CCDC148: variants seen among roughly 807,000 people sequenced by gnomAD.
CCDC148 encodes the protein coiled-coil domain containing 148.
In CCDC148, 89 loss-of-function variants were observed where a neutral mutation model predicts 85.7. That is an observed-to-expected ratio of 1.04 (90% CI 0.87 to 1.24). The LOEUF (loss-of-function observed/expected upper bound fraction) is 1.24, where lower values mean the gene tolerates loss of function less well. CCDC148 is among the 50% of genes most tolerant of loss of function. CCDC148 has a pLI of 0.00. For synonymous variants in CCDC148, 230 were observed against 213.9 expected (o/e 1.08, Z -0.66); for missense variants, 692 against 671.7 (o/e 1.03, Z -0.33).
At chr2:158,340,743 A>G (rs1201136321) in intron 3 of CCDC148, 63 bp from the exon 4 acceptor site, 1 of 949,836 alleles carries the variant, frequency 1.1e-6, no homozygotes, top group Non-Finnish European at 1.6e-6. Context: ...TTTTTAAAAA[A>G]TAACCAAAGA....
At chr2:158,239,567 T>TTAAG (rs147429190) in intron 10 of CCDC148, among the ~76,000 whole-genome samples, 2 of 151,630 alleles carry the variant, frequency 1.3e-5, no homozygotes, top group Non-Finnish European at 2.9e-5. Context: ...AGAAGGTTAA[T>TTAAG]TTAATTTAAA....
chr2:158,428,744 T>C (rs4603715), intron 1 of CCDC148, among the ~76,000 whole-genome samples: 55,419 of 151,584 alleles, frequency 0.37, 11,361 homozygotes, highest in East Asian at 0.61. Context: ...CTCAAGGATC[T>C]AGAACTAGAA....
In CCDC148 at chr2:158,456,687, T is replaced by G; in HGVS notation, c.-248A>C. 1.8e-6 allele frequency: 1 copy of G among 562,414 alleles called. No homozygotes were observed. The highest frequency in any genetic ancestry group is 3.2e-6 in the Non-Finnish European group (1 of 316,310). The allele number at this position is 562,414 out of a possible 1,614,324, so 34.8% of individuals were successfully genotyped here. On this transcript the variant is annotated 5_prime_UTR_variant, in exon 1 of 14. Transcript: ENST00000283233. ...GCCACCCCCTCCCGCGCCCGAGACCTGAGACACCTTCTCTCTCACACCCAC... is the reference window on the plus strand; with the variant it reads ...GCCACCCCCTCCCGCGCCCGAGACCGGAGACACCTTCTCTCTCACACCCAC...
intron 2 of CCDC148, among the ~76,000 whole-genome samples, chr2:158,357,072 A>T (rs1406121845): frequency 7.7e-6 from 1 of 129,068 alleles, no homozygotes; most frequent in Admixed American, 8.7e-5. Context: ...CACACTCGGG[A>T]CTGTTATGGG....
chr2:158,418,670 T>C (rs76043386), intron 1 of CCDC148, among the ~76,000 whole-genome samples: 1 of 147,394 alleles, frequency 6.8e-6, no homozygotes, highest in Non-Finnish European at 1.5e-5. Context: ...TGTTTTTTTT[T>C]CAGAACACTC....
chr2:158,219,662 T>A (rs73966289), intron 11 of CCDC148, among the ~76,000 whole-genome samples: 1 of 152,148 alleles, frequency 6.6e-6, no homozygotes, highest in Non-Finnish European at 1.5e-5. Flanking sequence ...CTTGCAAGCA[T>A]CTCAATAATT....
intron 1 of CCDC148, among the ~76,000 whole-genome samples, chr2:158,438,710 T>G (rs1384399688): frequency 6.6e-6 from 1 of 152,044 alleles, no homozygotes; most frequent in Admixed American, 6.6e-5. Context: ...GGGAGAAAAT[T>G]TTTGCAATCT....
chr2:158,194,801 G>T (rs149077342), intron 11 of CCDC148, among the ~76,000 whole-genome samples: 2 of 152,080 alleles, frequency 1.3e-5, no homozygotes, highest in Admixed American at 6.6e-5. Flanking sequence ...CTGGTCCACA[G>T]TTCACTTGAT....
chr2:158,266,489 A>T (rs1404658971), intron 9 of CCDC148, among the ~76,000 whole-genome samples: 1 of 152,074 alleles, frequency 6.6e-6, no homozygotes, highest in Non-Finnish European at 1.5e-5. Context: ...TTATTTCCAT[A>T]GTTTTTTGGG....
chr2:158,226,724 A>G lies in CCDC148; in HGVS notation c.1252-6011T>C, dbSNP rs1489039291. ...AAAAACCACATGATTATCTCAATAG[A>G]TGCAGAAAAGGCCTTTGACAAAATT... On this transcript the variant is annotated intron_variant, in intron 10 of 13. Transcript: ENST00000283233. 2.6e-5 allele frequency among the ~76,000 whole-genome samples: 4 copies of G among 152,210 alleles called. No individual in the cohort carries two copies. The East Asian group carries it at 7.7e-4, about 29-fold the overall frequency.
chr2:158,342,026 C>CTTTTTTTTT (rs1159799812), intron 3 of CCDC148, among the ~76,000 whole-genome samples: 2 of 62,660 alleles, frequency 3.2e-5, no homozygotes, highest in African/African-American at 7.2e-5. Flanking sequence ...ATTTTCTTTT[C>CTTTTTTTTT]TTTTTTTTTT....
At chr2:158,283,757 C>T (rs550899040) in intron 9 of CCDC148, among the ~76,000 whole-genome samples, 71 of 151,824 alleles carry the variant, frequency 4.7e-4, no homozygotes, top group African/African-American at 1.7e-3. Context: ...ACCATTTGAC[C>T]CAGCCATCCC....
intron 9 of CCDC148, among the ~76,000 whole-genome samples, chr2:158,306,832 A>T (rs894957009): frequency 3.1e-4 from 12 of 39,282 alleles, no homozygotes; most frequent in African/African-American, 1.5e-3. Flanking sequence ...TATAATAATA[A>T]AAAAAAAAAA....
At chr2:158,400,867 A>T (rs1466972499) in intron 1 of CCDC148, among the ~76,000 whole-genome samples, 1 of 152,092 alleles carries the variant, frequency 6.6e-6, no homozygotes, top group Admixed American at 6.6e-5. Context: ...TACAAGAAAA[A>T]ACCCCATCAA....
chr2:158,357,729 A>G (rs937301683), intron 2 of CCDC148, among the ~76,000 whole-genome samples: 2 of 152,186 alleles, frequency 1.3e-5, no homozygotes, highest in African/African-American at 2.4e-5. Flanking sequence ...CTTTGAAATA[A>G]TAACAATTGC....
At chr2:158,338,561 G>GAAAA in intron 7 of CCDC148, 165 bp downstream of exon 7, 1 of 539,464 alleles carries the variant, frequency 1.9e-6, no homozygotes, top group East Asian at 3.4e-5. Flanking sequence ...AAATTTTTTT[G>GAAAA]AAAAAATAAA....
At chr2:158,201,792 A>ATTATTATGACAATTGG (rs1558977416) in intron 11 of CCDC148, among the ~76,000 whole-genome samples, 1 of 152,186 alleles carries the variant, frequency 6.6e-6, no homozygotes, top group African/African-American at 2.4e-5. Flanking sequence ...TTAAAAAAAC[A>ATTATTATGACAATTGG]TTATTATGAC....
chr2:158,339,222 C>G, intron 5 of CCDC148, 137 bp from the exon 6 acceptor site: 1 of 671,992 alleles, frequency 1.5e-6, no homozygotes, highest in East Asian at 2.7e-5. Flanking sequence ...TAAAGAGATG[C>G]CAGCCAGGTA....
At chr2:158,321,676 G>A (rs1692524755) in intron 7 of CCDC148, among the ~76,000 whole-genome samples, 1 of 152,074 alleles carries the variant, frequency 6.6e-6, no homozygotes, top group African/African-American at 2.4e-5. Flanking sequence ...ATCAAGCAAC[G>A]GTCATATATG....
Sources: gnomAD v4.1 joint callset for allele counts (sites outside exome capture counted in the v4.1 genomes callset) on GRCh38, gnomAD v4.1.1 for gene constraint, MANE v1.5 for transcripts, NCBI Gene and HGNC (gene_info 2026-07-23, HGNC 2026-07-21) for gene names.